The following NCAM1 variants were observed in gnomAD, a reference collection of about 807,000 sequenced individuals.
The protein encoded by NCAM1 is antigen recognized by monoclonal antibody 5.1H11.
Under a neutral mutation model 109.8 loss-of-function variants are expected in NCAM1, and 14 were observed. That is an observed-to-expected ratio of 0.13 (90% CI 0.08 to 0.20). NCAM1 has a LOEUF of 0.20. Among genes scored for constraint, NCAM1 ranks in the 10% least tolerant of loss-of-function variants. NCAM1 has a pLI of 1.00. For synonymous variants in NCAM1, 418 were observed against 442.9 expected (o/e 0.94, Z 0.70); for missense variants, 774 against 1,109.9 (o/e 0.70, Z 4.30).
At chr11:113,223,446 A>T (rs1024523268) in intron 9 of NCAM1, among the ~76,000 whole-genome samples, 3 of 151,948 alleles carry the variant, frequency 2.0e-5, no homozygotes, top group Non-Finnish European at 4.4e-5. Context: ...AAGAAACTAG[A>T]TAGGAATTAA....
At chr11:113,135,394 G>A (rs1385806946) in intron 1 of NCAM1, among the ~76,000 whole-genome samples, 1 of 152,180 alleles carries the variant, frequency 6.6e-6, no homozygotes, top group South Asian at 2.1e-4. Flanking sequence ...ACAGAAAACA[G>A]ACTTGGGCAA....
At chr11:113,020,784 C>T (rs1220548516) in intron 1 of NCAM1, among the ~76,000 whole-genome samples, 1 of 152,054 alleles carries the variant, frequency 6.6e-6, no homozygotes, top group Non-Finnish European at 1.5e-5. Flanking sequence ...TGGAAGGGGT[C>T]TCACCTTGTC....
intron 1 of NCAM1, among the ~76,000 whole-genome samples, chr11:113,107,318 A>G (rs112251866): frequency 0.013 from 1,938 of 152,306 alleles, 35 homozygotes; most frequent in African/African-American, 0.045. Context: ...TAATTTTATT[A>G]GGTGATGAGA....
chr11:113,210,930 G>T (rs1201873694), intron 7 of NCAM1, among the ~76,000 whole-genome samples: 2 of 152,172 alleles, frequency 1.3e-5, no homozygotes, highest in African/African-American at 4.8e-5. Flanking sequence ...AGGAATCATA[G>T]ATTTGTAGAG....
At chr11:113,124,162 G>A (rs1555096615) in intron 1 of NCAM1, among the ~76,000 whole-genome samples, 1 of 152,162 alleles carries the variant, frequency 6.6e-6, no homozygotes, top group Admixed American at 6.5e-5. Flanking sequence ...CTCTCACTAG[G>A]CAGAAGACCC....
intron 1 of NCAM1, among the ~76,000 whole-genome samples, chr11:113,053,649 T>C (rs75284925): frequency 0.01 from 1,528 of 152,312 alleles, 26 homozygotes; most frequent in African/African-American, 0.035. Context: ...TTTGGGGTTA[T>C]AGAAAAAAAT....
At chr11:112,986,779 T>C (rs1326635208) in intron 1 of NCAM1, among the ~76,000 whole-genome samples, 1 of 152,020 alleles carries the variant, frequency 6.6e-6, no homozygotes, top group Non-Finnish European at 1.5e-5. Context: ...ATTTATTTCA[T>C]TCTTCTCTCT....
chr11:112,992,090 G>A (rs954810794), intron 1 of NCAM1, among the ~76,000 whole-genome samples: 7 of 152,158 alleles, frequency 4.6e-5, no homozygotes, highest in African/African-American at 1.4e-4. Context: ...AGAGGAGACT[G>A]TAGAGGATGG....
At chr11:113,212,258 G>A (rs1182798436) in intron 7 of NCAM1, among the ~76,000 whole-genome samples, 2 of 152,196 alleles carry the variant, frequency 1.3e-5, no homozygotes, top group African/African-American at 4.8e-5. Context: ...TGCTTCTAGA[G>A]TAATAGAGAA....
chr11:112,985,231 C>T (rs1027427290), intron 1 of NCAM1, among the ~76,000 whole-genome samples: 4 of 149,490 alleles, frequency 2.7e-5, no homozygotes, highest in Admixed American at 2.0e-4. Flanking sequence ...GATTCTCTGT[C>T]CTATTCCATT....
intron 15 of NCAM1, among the ~76,000 whole-genome samples, chr11:113,248,366 G>A (rs1555120661): frequency 6.6e-6 from 1 of 152,132 alleles, no homozygotes; most frequent in Non-Finnish European, 1.5e-5. Flanking sequence ...TTATTCAGGT[G>A]AGCCCCGCAC....
chr11:113,204,284 A>C lies in NCAM1; in HGVS notation c.128-2A>C. 2 of 1,605,678 alleles carry C rather than the reference A, an allele frequency of 1.2e-6. No individual in the cohort carries two copies. The highest frequency in any genetic ancestry group is 1.7e-6 in the Non-Finnish European group (2 of 1,175,788). ...GCTTAAAAATAATCTCTTCCTCTTT[A>C]GTGGCAGGAGATGCCAAAGATAAAG... On this transcript the variant is annotated splice_acceptor_variant, in intron 2 of 19. Transcript: ENST00000316851. LOFTEE classifies it high-confidence loss of function.
At chr11:113,226,885 G>C (rs1253256308) in intron 9 of NCAM1, among the ~76,000 whole-genome samples, 4 of 152,184 alleles carry the variant, frequency 2.6e-5, no homozygotes, top group African/African-American at 9.7e-5. Flanking sequence ...AAACCAATGA[G>C]AACAAAGATA....
chr11:113,233,205 G>A lies in NCAM1; in HGVS notation c.1581G>A (p.Val527=), dbSNP rs782625592. Residue 527 remains valine (V), a synonymous_variant, in exon 13 of 20, where the codon GTG becomes GTA. Coordinates refer to ENST00000316851, the MANE Select transcript of NCAM1 (RefSeq NM_181351.5). The surrounding 1 kb of genome is among the most constrained non-coding windows in gnomAD (Gnocchi z 4.5). The part of the protein sequence containing the change: ...QVEPYSSTAQ[V]QFDEPEATGG... The stretch of plus-strand genomic sequence containing the variant: ...AGCCATACTCCAGCACAGCCCAGGT[G>A]CAGTTTGATGAACCAGAGGCCACAG... 2 of 1,613,910 alleles carry A rather than the reference G, an allele frequency of 1.2e-6. No homozygotes were observed. The highest frequency in any genetic ancestry group is 2.2e-5 in the South Asian group (2 of 91,074).
intron 1 of NCAM1, among the ~76,000 whole-genome samples, chr11:112,971,418 A>G (rs1246958075): frequency 1.3e-5 from 2 of 152,134 alleles, no homozygotes; most frequent in Non-Finnish European, 2.9e-5. Flanking sequence ...GTCAGAAGGT[A>G]TAGAATAGAA....
At chr11:113,150,916 A>T in intron 1 of NCAM1, among the ~76,000 whole-genome samples, 1 of 152,168 alleles carries the variant, frequency 6.6e-6, no homozygotes, top group East Asian at 1.9e-4. Flanking sequence ...CCACATCAGG[A>T]ATTATGGGAG....
intron 1 of NCAM1, among the ~76,000 whole-genome samples, chr11:113,186,058 A>G (rs988525415): frequency 6.6e-6 from 1 of 152,222 alleles, no homozygotes; most frequent in African/African-American, 2.4e-5. Flanking sequence ...TTCAGCAACT[A>G]TCTTTTAAGG....
At chr11:113,009,316 T>TTTTGTTGTTGTTGTTTTTTTTTTTG (rs1320684872) in intron 1 of NCAM1, among the ~76,000 whole-genome samples, 1 of 99,224 alleles carries the variant, frequency 1.0e-5, no homozygotes, top group African/African-American at 4.2e-5. Context: ...TTTCGGGTTT[T>TTTTGTTGTTGTTGTTTTTTTTTTTG]TTTTTTTTTT....
chr11:113,164,259 A>G lies in NCAM1; in HGVS notation c.53-38120A>G, dbSNP rs1942704160. On this transcript the variant is annotated intron_variant, in intron 1 of 19. Coordinates refer to ENST00000316851, the MANE Select transcript of NCAM1 (RefSeq NM_181351.5). ...ACAAACTGACTTGTTTTCTCCTACA[A>G]TACCCATACTCACTTCTAATACTTC... 2.0e-5 allele frequency among the ~76,000 whole-genome samples: 3 copies of G among 152,178 alleles called. No individual in the cohort carries two copies. The South Asian group carries it at 6.2e-4, about 32-fold the overall frequency.
Sources: gnomAD v4.1 joint callset for allele counts (sites outside exome capture counted in the v4.1 genomes callset) on GRCh38, gnomAD v4.1.1 for gene constraint, Gnocchi (gnomAD v3.1) non-coding constraint, MANE v1.5 for transcripts, NCBI Gene and HGNC (gene_info 2026-07-23, HGNC 2026-07-21) for gene names.